The following DLG2 variants were observed in gnomAD, a reference collection of about 807,000 sequenced individuals.
DLG2 encodes the protein disks large homolog 2.
Under a neutral mutation model 132.5 loss-of-function variants are expected in DLG2, and 45 were observed. The ratio of observed to expected loss-of-function variants is 0.34; its 90% confidence interval spans 0.27 to 0.44. The LOEUF (loss-of-function observed/expected upper bound fraction) is 0.44. Ranked by LOEUF, DLG2 falls within the 20% of genes least tolerant of loss-of-function variation. The pLI is 1.00. For synonymous variants in DLG2, 424 were observed against 419.6 expected, an observed-to-expected ratio of 1.01 and a Z score of -0.13; for missense variants, 1,045 against 1,196.9, an observed-to-expected ratio of 0.87 and a Z score of 1.87.
intron 8 of DLG2, among the ~76,000 whole-genome samples, chr11:84,193,193 C>T (rs1005542384): frequency 1.3e-5 from 2 of 152,180 alleles, no homozygotes; most frequent in African/African-American, 4.8e-5. Flanking sequence ...ATGAGGACTA[C>T]ATCCCTGGCC....
intron 3 of DLG2, among the ~76,000 whole-genome samples, chr11:85,500,378 C>A (rs1008595592): frequency 9.5e-6 from 1 of 104,878 alleles, no homozygotes; most frequent in African/African-American, 4.6e-5. Context: ...ATATCACACT[C>A]TGGGGACTGT....
At chr11:83,832,296 T>C (rs2054758353) in intron 17 of DLG2, among the ~76,000 whole-genome samples, 1 of 152,106 alleles carries the variant, frequency 6.6e-6, no homozygotes, top group African/African-American at 2.4e-5. Context: ...GGAGAAAACT[T>C]TTGGAGTGAT....
At chr11:83,537,660 C>G (rs2095917010) in intron 20 of DLG2, among the ~76,000 whole-genome samples, 1 of 151,568 alleles carries the variant, frequency 6.6e-6, no homozygotes, top group South Asian at 2.1e-4. Context: ...CCTAAAAATA[C>G]AAAAATTAGC....
chr11:85,464,530 G>A (rs1192027073), intron 3 of DLG2, among the ~76,000 whole-genome samples: 3 of 152,068 alleles, frequency 2.0e-5, no homozygotes, highest in South Asian at 2.1e-4. Context: ...TCACAAGTTC[G>A]GGTGGCATCA....
At chr11:83,730,858 G>T (rs1183983719) in intron 18 of DLG2, among the ~76,000 whole-genome samples, 1 of 152,126 alleles carries the variant, frequency 6.6e-6, no homozygotes, top group Non-Finnish European at 1.5e-5. Context: ...GAAACCAGGG[G>T]TCTGTTCCAA....
At chr11:84,614,689 C>A (rs1174401336) in intron 6 of DLG2, among the ~76,000 whole-genome samples, 1 of 152,018 alleles carries the variant, frequency 6.6e-6, no homozygotes, top group Non-Finnish European at 1.5e-5. Flanking sequence ...TAAAATATTT[C>A]CCTGTCTATT....
At chr11:85,056,356 A>C (rs1233607466) in intron 6 of DLG2, among the ~76,000 whole-genome samples, 2 of 152,096 alleles carry the variant, frequency 1.3e-5, no homozygotes, top group African/African-American at 4.8e-5. Flanking sequence ...AAAACTAAAA[A>C]ATTCAATAAG....
In DLG2 at chr11:85,191,425, A is replaced by C. The variant is rs1302908075; in HGVS notation, c.187-36774T>G. Among the ~76,000 whole-genome samples, 3 of 152,024 alleles carry C rather than the reference A, an allele frequency of 2.0e-5. No individual in the cohort carries two copies. The East Asian group carries it at 5.8e-4, about 29-fold the overall frequency. ...CACACACACGTTGTTCCCCCACTTCATCCTCCACCAGGTTCCACTGGCCAC... is the reference window on the plus strand; with the variant it reads ...CACACACACGTTGTTCCCCCACTTCCTCCTCCACCAGGTTCCACTGGCCAC... On this transcript the variant is annotated intron_variant, in intron 4 of 27. Coordinates refer to ENST00000376104, the MANE Select transcript of DLG2 (RefSeq NM_001142699.3).
chr11:85,121,114 C>T lies in DLG2; in HGVS notation c.283-9379G>A, dbSNP rs150713108. ...ATAAAGCCATTTAATGATACTGATA[C>T]ACTTTGTTCTCTGAAATGTAAACCA... On this transcript the variant is annotated intron_variant, in intron 5 of 27. Transcript: ENST00000376104. Among the ~76,000 whole-genome samples the T allele has an allele frequency of 3.0e-3, 449 of 152,044 alleles. 2 individuals are homozygous for T. The highest frequency in any genetic ancestry group is 0.011 in the African/African-American group (441 of 41,512).
intron 6 of DLG2, among the ~76,000 whole-genome samples, chr11:84,811,908 C>G (rs139146200): frequency 6.6e-6 from 1 of 152,216 alleles, no homozygotes; most frequent in African/African-American, 2.4e-5. Flanking sequence ...GAGCTATGAA[C>G]AGAGTATCAC....
intron 6 of DLG2, among the ~76,000 whole-genome samples, chr11:84,980,825 G>A (rs564879145): frequency 6.6e-6 from 1 of 152,206 alleles, no homozygotes; most frequent in African/African-American, 2.4e-5. Context: ...CTAGTTATTT[G>A]CATATAATGC....
chr11:83,915,184 C>T (rs752147648), intron 15 of DLG2, among the ~76,000 whole-genome samples: 11 of 152,088 alleles, frequency 7.2e-5, no homozygotes, highest in Non-Finnish European at 4.4e-5. Flanking sequence ...GATTTAGAAA[C>T]AAAGAATCTT....
At chr11:85,522,428 G>T (rs746260219) in intron 3 of DLG2, among the ~76,000 whole-genome samples, 24 of 152,176 alleles carry the variant, frequency 1.6e-4, no homozygotes, top group Non-Finnish European at 3.1e-4. Context: ...TGTGGGGTTG[G>T]AGCCCCCATA....
chr11:85,414,311 G>A (rs2089618198), intron 3 of DLG2, among the ~76,000 whole-genome samples: 1 of 151,776 alleles, frequency 6.6e-6, no homozygotes, highest in Admixed American at 6.6e-5. Flanking sequence ...GAGTCTTTAG[G>A]GTTTTCTAAG....
intron 6 of DLG2, among the ~76,000 whole-genome samples, chr11:84,796,664 A>C (rs936092902): frequency 6.6e-6 from 1 of 152,052 alleles, no homozygotes; most frequent in Non-Finnish European, 1.5e-5. Context: ...TTTTGCGGAT[A>C]AACTATTCTA....
intron 3 of DLG2, among the ~76,000 whole-genome samples, chr11:85,356,456 C>G (rs1295222315): frequency 1.3e-5 from 2 of 151,740 alleles, no homozygotes; most frequent in East Asian, 3.9e-4. Flanking sequence ...TCCTAGAGTA[C>G]AAAGAAATAT....
At position 85,102,018 on chromosome 11, in the gene DLG2, A is replaced by G. The variant is rs147203148; in HGVS notation, c.357+9643T>C. Among the ~76,000 whole-genome samples, 420 of 152,176 alleles carry G rather than the reference A, an allele frequency of 2.8e-3. 2 individuals carry two copies. The highest frequency in any genetic ancestry group is 4.4e-3 in the Non-Finnish European group (302 of 67,950). ...TTCAAATGTGCTTTTGTGGCTGCCA[A>G]GATGGTGGTTCAACACTCCAATACT... On this transcript the variant is annotated intron_variant, in intron 6 of 27. Coordinates refer to ENST00000376104, the MANE Select transcript of DLG2 (RefSeq NM_001142699.3).
intron 19 of DLG2, among the ~76,000 whole-genome samples, chr11:83,559,863 T>C (rs186599402): frequency 6.6e-6 from 1 of 152,276 alleles, no homozygotes; most frequent in Non-Finnish European, 1.5e-5. Context: ...GAATGGCAGA[T>C]AAGGGTACTG....
intron 6 of DLG2, among the ~76,000 whole-genome samples, chr11:85,000,245 C>T (rs2058083407): frequency 6.6e-6 from 1 of 152,112 alleles, no homozygotes. Context: ...AATATGTTTG[C>T]TACATTGCTC....
Sources: gnomAD v4.1 joint callset for allele counts (sites outside exome capture counted in the v4.1 genomes callset) on GRCh38, gnomAD v4.1.1 for gene constraint, MANE v1.5 for transcripts, NCBI Gene and HGNC (gene_info 2026-07-23, HGNC 2026-07-21) for gene names.